TNFSF13B: variants seen among roughly 807,000 people sequenced by gnomAD.
TNFSF13B encodes TNF superfamily member 13b, also known as tumor necrosis factor ligand superfamily member 13B.
In TNFSF13B, 8 loss-of-function variants were observed where a neutral mutation model predicts 29.1. The ratio of observed to expected loss-of-function variants is 0.27; its 90% CI spans 0.16 to 0.50. TNFSF13B has a LOEUF of 0.50. Ranked by LOEUF, TNFSF13B falls within the 20% of genes least tolerant of loss-of-function variation. TNFSF13B has a pLI of 0.98. For synonymous variants in TNFSF13B, 125 were observed against 130.8 expected (o/e 0.96, Z 0.30); for missense variants, 248 against 334.9 (o/e 0.74, Z 2.03).
intron 2 of TNFSF13B, among the ~76,000 whole-genome samples, chr13:108,283,960 T>G (rs1881037648): frequency 6.6e-6 from 1 of 152,098 alleles, no homozygotes; most frequent in Non-Finnish European, 1.5e-5. Flanking sequence ...ACATAGGAAT[T>G]TGGGGGCAAC....
At chr13:108,292,383 C>T (rs1260462219) in intron 3 of TNFSF13B, among the ~76,000 whole-genome samples, 1 of 152,006 alleles carries the variant, frequency 6.6e-6, no homozygotes, top group Non-Finnish European at 1.5e-5. Context: ...TTTGTTTCCA[C>T]CTTTTGGCTA....
chr13:108,299,450 A>G lies in TNFSF13B; in HGVS notation c.482-3803A>G, dbSNP rs995330231. ...TTTTCTGTTAATGGATGTGGACTGC[A>G]GTTGTTCACTTGTTTAGTAATTTTT... On this transcript the variant is annotated intron_variant, in intron 3 of 5. Coordinates refer to ENST00000375887, the MANE Select transcript of TNFSF13B (RefSeq NM_006573.5). Among the ~76,000 whole-genome samples the G allele has an allele frequency of 1.8e-5, 2 of 109,446 alleles. 1 individual carries two copies. The highest frequency in any genetic ancestry group is 7.3e-5 in the African/African-American group (2 of 27,274). 71.8% of individuals were successfully genotyped at this position (109,446 alleles called of 152,430 possible). A position where few individuals can be genotyped will look rare whatever the true frequency, so the allele number is the denominator to read the frequency against.
At chr13:108,292,846 G>A (rs1881360097) in intron 3 of TNFSF13B, among the ~76,000 whole-genome samples, 1 of 152,082 alleles carries the variant, frequency 6.6e-6, no homozygotes. Flanking sequence ...TATCTGATTT[G>A]CAAGTATTTT....
At chr13:108,279,205 T>A (rs983430920) in intron 2 of TNFSF13B, among the ~76,000 whole-genome samples, 9 of 152,216 alleles carry the variant, frequency 5.9e-5, no homozygotes, top group African/African-American at 2.2e-4. Flanking sequence ...CCACGGATTT[T>A]TTTTTAAGTC....
chr13:108,278,399 A>C (rs1382789700), intron 2 of TNFSF13B, among the ~76,000 whole-genome samples: 1 of 152,060 alleles, frequency 6.6e-6, no homozygotes, highest in African/African-American at 2.4e-5. Context: ...TTATGAGGAC[A>C]AGGTAGAAAT....
At chr13:108,282,747 A>G (rs1880992296) in intron 2 of TNFSF13B, among the ~76,000 whole-genome samples, 1 of 152,184 alleles carries the variant, frequency 6.6e-6, no homozygotes, top group African/African-American at 2.4e-5. Flanking sequence ...TATTTTACAC[A>G]TTATTACATC....
Position 108,306,876 on chromosome 13 carries a change from G to A in TNFSF13B, c.796G>A (p.Glu266Lys). 6.2e-7 allele frequency: 1 copy of A among 1,611,452 alleles called. No homozygotes were observed. Among genetic ancestry groups the A allele is most frequent in the Non-Finnish European group, 8.5e-7 (1 of 1,178,608 alleles). ...TGAACTCCAACTTGCAATACCAAGAGAAAATGCACAAATATCACTGGATGG... is the reference window on the plus strand; with the variant it reads ...TGAACTCCAACTTGCAATACCAAGAAAAAATGCACAAATATCACTGGATGG... ...GDELQLAIPR[E>K]NAQISLDGDV... The change falls in exon 6 of 6, where the codon GAA (glutamate) becomes AAA (lysine). Residue 266 changes from glutamate (E) to lysine (K), a missense_variant. By Grantham distance (56) the Glu-to-Lys change is moderately conservative. Coordinates refer to ENST00000375887, the MANE Select transcript of TNFSF13B (RefSeq NM_006573.5).
chr13:108,283,381 A>G (rs7993339), intron 2 of TNFSF13B, among the ~76,000 whole-genome samples: 2 of 152,218 alleles, frequency 1.3e-5, no homozygotes, highest in African/African-American at 4.8e-5. Flanking sequence ...TTATTGAAAC[A>G]TCAATTTTAT....
At chr13:108,299,505 A>T (rs1881553057) in intron 3 of TNFSF13B, among the ~76,000 whole-genome samples, 1 of 134,236 alleles carries the variant, frequency 7.4e-6, no homozygotes. Flanking sequence ...GTTTGCCTAG[A>T]CTCTATTCCT....
At chr13:108,289,046 A>G (rs1162987924) in intron 3 of TNFSF13B, among the ~76,000 whole-genome samples, 1 of 152,042 alleles carries the variant, frequency 6.6e-6, no homozygotes, top group African/African-American at 2.4e-5. Flanking sequence ...CATGTTTGCA[A>G]CTTTTAATAA....
At position 108,307,174 on chromosome 13, in the gene TNFSF13B, A is replaced by G. The variant is rs777841374; in HGVS notation, c.*236A>G. 68 of 385,954 alleles carry G rather than the reference A, an allele frequency of 1.8e-4. No homozygotes were observed. The highest frequency in any genetic ancestry group is 2.7e-4 in the Non-Finnish European group (59 of 218,790). 23.9% of individuals were successfully genotyped at this position (385,954 alleles called of 1,614,324 possible). A position where few individuals can be genotyped will look rare whatever the true frequency, so the allele number is the denominator to read the frequency against. ...GAATTACAAGAAATAGAGCCCATTT[A>G]GGGAAAGATAGAACTAGAAAGGCTT... On this transcript the variant is annotated 3_prime_UTR_variant, in exon 6 of 6. Coordinates refer to ENST00000375887, the MANE Select transcript of TNFSF13B (RefSeq NM_006573.5).
chr13:108,282,974 T>C (rs976189552), intron 2 of TNFSF13B, among the ~76,000 whole-genome samples: 6 of 152,248 alleles, frequency 3.9e-5, no homozygotes, highest in African/African-American at 1.4e-4. Flanking sequence ...TGATAATTAC[T>C]ATCAAATTGT....
At chr13:108,285,884 C>A (rs954062466) in intron 2 of TNFSF13B, among the ~76,000 whole-genome samples, 1 of 152,206 alleles carries the variant, frequency 6.6e-6, no homozygotes, top group African/African-American at 2.4e-5. Flanking sequence ...TTTTCACAGA[C>A]ATTTACTGCT....
chr13:108,295,753 G>T (rs1017094597), intron 3 of TNFSF13B, among the ~76,000 whole-genome samples: 1 of 145,224 alleles, frequency 6.9e-6, no homozygotes, highest in African/African-American at 2.6e-5. Context: ...TCATCTCAAA[G>T]TATTTTCTAT....
chr13:108,287,577 TTTA>T (rs1359229639), intron 3 of TNFSF13B, among the ~76,000 whole-genome samples: 1 of 152,160 alleles, frequency 6.6e-6, no homozygotes, highest in Admixed American at 6.5e-5. Context: ...AAATTCCATT[TTTA>T]TTATTTAGAC....
intron 2 of TNFSF13B, among the ~76,000 whole-genome samples, chr13:108,273,366 A>C (rs1239942042): frequency 6.6e-6 from 1 of 152,204 alleles, no homozygotes; most frequent in Non-Finnish European, 1.5e-5. Flanking sequence ...TGAATGTATA[A>C]AATATATGTA....
chr13:108,286,086 T>C (rs1881120239), intron 2 of TNFSF13B, among the ~76,000 whole-genome samples: 1 of 152,234 alleles, frequency 6.6e-6, no homozygotes, highest in Admixed American at 6.5e-5. Context: ...AAGTCTTCCA[T>C]TTTATTTGTA....
chr13:108,294,143 T>C (rs1438364983), intron 3 of TNFSF13B, among the ~76,000 whole-genome samples: 7 of 151,922 alleles, frequency 4.6e-5, no homozygotes, highest in Non-Finnish European at 1.0e-4. Flanking sequence ...TTAACTGAAT[T>C]CATTGATTAG....
chr13:108,290,594 C>A (rs1029231401), intron 3 of TNFSF13B, among the ~76,000 whole-genome samples: 1 of 151,736 alleles, frequency 6.6e-6, no homozygotes, highest in Non-Finnish European at 1.5e-5. Flanking sequence ...TTATTTTTTT[C>A]TGTGAGCCAT....
Sources: gnomAD v4.1 joint callset for allele counts (sites outside exome capture counted in the v4.1 genomes callset) on GRCh38, gnomAD v4.1.1 for gene constraint, MANE v1.5 for transcripts, NCBI Gene and HGNC (gene_info 2026-07-23, HGNC 2026-07-21) for gene names.